Variants in COMMD1 observed in about 807,000 individuals in gnomAD.
COMMD1 encodes copper metabolism domain containing 1, also known as COMM domain-containing protein 1.
A neutral mutation model predicts 17.2 loss-of-function variants in COMMD1; 10 were observed. The ratio of observed to expected loss-of-function variants is 0.58; its 90% confidence interval spans 0.36 to 0.99. The LOEUF is 0.99. Ranked by LOEUF, COMMD1 falls within the 50% of genes least tolerant of loss-of-function variation. The probability of loss-of-function intolerance (pLI) is 0.01; values close to 1 mark genes in which losing one functional copy is unlikely to be tolerated. For missense variants in COMMD1, 270 were observed against 231.8 expected (o/e 1.17, Z -1.07); for synonymous variants, 97 against 91.6 (o/e 1.06, Z -0.34).
chr2:62,037,232 C>T (rs1226119441), intron 2 of COMMD1, among the ~76,000 whole-genome samples: 1 of 152,134 alleles, frequency 6.6e-6, no homozygotes, highest in Non-Finnish European at 1.5e-5. Context: ...TAGAATAGCT[C>T]ATAAGATGCT....
chr2:61,971,213 G>T (rs1176980110), intron 1 of COMMD1, among the ~76,000 whole-genome samples: 1 of 152,214 alleles, frequency 6.6e-6, no homozygotes, highest in Admixed American at 6.5e-5. Context: ...GTGCCTCCTT[G>T]GCTGGTTGCC....
intron 2 of COMMD1, among the ~76,000 whole-genome samples, chr2:62,019,098 C>T (rs1392380497): frequency 2.3e-4 from 25 of 106,402 alleles, no homozygotes; most frequent in African/African-American, 8.9e-4. Flanking sequence ...TTCTCTCTCT[C>T]TCTTCCCTCC....
intron 1 of COMMD1, among the ~76,000 whole-genome samples, chr2:61,989,803 C>T (rs1171713577): frequency 1.3e-5 from 2 of 152,180 alleles, no homozygotes; most frequent in Non-Finnish European, 2.9e-5. Context: ...GTTTTGCTTT[C>T]CCTTCAACAT....
At chr2:61,963,711 A>G (rs1362654552) in intron 1 of COMMD1, among the ~76,000 whole-genome samples, 1 of 152,204 alleles carries the variant, frequency 6.6e-6, no homozygotes, top group Non-Finnish European at 1.5e-5. Context: ...CAGAAATGGT[A>G]TCCTCTTTTA....
intron 2 of COMMD1, among the ~76,000 whole-genome samples, chr2:62,023,441 A>AGG (rs1669668181): frequency 1.3e-5 from 2 of 152,076 alleles, no homozygotes. Flanking sequence ...CTAAAGAAAC[A>AGG]ACCCAAGATT....
intron 2 of COMMD1, among the ~76,000 whole-genome samples, chr2:62,052,784 T>C (rs575942566): frequency 2.0e-5 from 3 of 152,232 alleles, no homozygotes; most frequent in South Asian, 2.1e-4. Context: ...CAAAAAAATA[T>C]CATTCTTGGC....
At chr2:62,054,510 A>C (rs527942250) in intron 2 of COMMD1, among the ~76,000 whole-genome samples, 1 of 152,362 alleles carries the variant, frequency 6.6e-6, no homozygotes, top group East Asian at 1.9e-4. Context: ...GATACTATTT[A>C]AGCCAGAAAG....
intron 2 of COMMD1, among the ~76,000 whole-genome samples, chr2:62,125,676 C>A (rs1466898216): frequency 6.6e-6 from 1 of 152,136 alleles, no homozygotes; most frequent in East Asian, 1.9e-4. Flanking sequence ...TTTTAAGATA[C>A]AGCATAAACT....
intron 1 of COMMD1, among the ~76,000 whole-genome samples, chr2:61,923,296 A>G (rs532316847): frequency 1.8e-4 from 27 of 152,236 alleles, no homozygotes; most frequent in African/African-American, 6.5e-4. Flanking sequence ...TAATCCTTTT[A>G]GTCAGGTGAT....
At position 62,102,984 on chromosome 2, in the gene COMMD1, T is replaced by C. The variant is rs181047766; in HGVS notation, c.463-32847T>C. Among the ~76,000 whole-genome samples, 419 of 150,902 alleles carry C rather than the reference T, an allele frequency of 2.8e-3. 8 individuals carry two copies. The highest frequency in any genetic ancestry group is 0.022 in the Admixed American group (338 of 15,206). ...CAATCATATTTCTTTTTCTTTCTTTTTTTTTTTTTTTTGAGACGGAGGCTC... is the reference window on the plus strand; with the variant it reads ...CAATCATATTTCTTTTTCTTTCTTTCTTTTTTTTTTTTGAGACGGAGGCTC... On this transcript the variant is annotated intron_variant, in intron 2 of 2. Transcript: ENST00000311832.
chr2:62,112,051 C>T (rs1462884819), intron 2 of COMMD1, among the ~76,000 whole-genome samples: 1 of 152,156 alleles, frequency 6.6e-6, no homozygotes, highest in African/African-American at 2.4e-5. Flanking sequence ...ACCAGTACAT[C>T]AACAAGTCTG....
chr2:61,996,314 ATGTGTGTGTGTG>A lies in COMMD1; in HGVS notation c.181-4355_181-4344del, dbSNP rs70946774. 3.1e-3 allele frequency among the ~76,000 whole-genome samples: 448 copies of A among 142,394 alleles called. 1 individual carries two copies. The highest frequency in any genetic ancestry group is 9.0e-3 in the African/African-American group (337 of 37,480). 93.4% of individuals were successfully genotyped at this position (142,394 alleles called of 152,430 possible). ...TTGATGTCTTGTTTTTGTTTTCTAA[ATGTGTGTGTGTG>A]TGTGTGTGTGTGTGTGTGTGTGTGT... On this transcript the variant is annotated intron_variant, in intron 1 of 2. Coordinates refer to ENST00000311832, the MANE Select transcript of COMMD1 (RefSeq NM_152516.4).
intron 2 of COMMD1, among the ~76,000 whole-genome samples, chr2:62,001,799 G>A (rs929773576): frequency 6.6e-6 from 1 of 152,048 alleles, no homozygotes; most frequent in East Asian, 1.9e-4. Flanking sequence ...TTCTTTTATA[G>A]TTTCTTTAGA....
chr2:61,924,161 G>A (rs1185972069), intron 1 of COMMD1, among the ~76,000 whole-genome samples: 1 of 152,140 alleles, frequency 6.6e-6, no homozygotes, highest in Non-Finnish European at 1.5e-5. Flanking sequence ...TGTTTCAGGT[G>A]GGTTTACTTA....
At chr2:62,028,789 G>T (rs886298588) in intron 2 of COMMD1, among the ~76,000 whole-genome samples, 1 of 152,028 alleles carries the variant, frequency 6.6e-6, no homozygotes, top group Non-Finnish European at 1.5e-5. Flanking sequence ...TCCTGATTTT[G>T]TTCTAAATGT....
chr2:62,022,448 CTTTTTTT>C (rs747830662), intron 2 of COMMD1, among the ~76,000 whole-genome samples: 2 of 84,950 alleles, frequency 2.4e-5, no homozygotes, highest in Non-Finnish European at 5.0e-5. Flanking sequence ...ACCGGCGCTT[CTTTTTTT>C]TTTTTTTTTT....
chr2:61,930,903 A>G (rs1313098378), intron 1 of COMMD1, among the ~76,000 whole-genome samples: 1 of 152,122 alleles, frequency 6.6e-6, no homozygotes, highest in African/African-American at 2.4e-5. Flanking sequence ...GCTAACTCAG[A>G]CTGAAGCTGT....
intron 2 of COMMD1, among the ~76,000 whole-genome samples, chr2:62,062,138 T>A (rs1670877775): frequency 6.6e-6 from 1 of 152,104 alleles, no homozygotes; most frequent in South Asian, 2.1e-4. Context: ...CATTAACTCT[T>A]TCTAACCTTG....
chr2:62,034,473 G>A (rs1476483388), intron 2 of COMMD1, among the ~76,000 whole-genome samples: 1 of 152,134 alleles, frequency 6.6e-6, no homozygotes, highest in Non-Finnish European at 1.5e-5. Flanking sequence ...CAGCCTGGGC[G>A]ATAGAGTGAG....
Sources: gnomAD v4.1 joint callset for allele counts (sites outside exome capture counted in the v4.1 genomes callset) on GRCh38, gnomAD v4.1.1 for gene constraint, MANE v1.5 for transcripts, NCBI Gene and HGNC (gene_info 2026-07-23, HGNC 2026-07-21) for gene names.